Variants in PLA2G4E observed in about 807,000 individuals in gnomAD.
PLA2G4E encodes the protein phospholipase A2 group IVE, also known as cytosolic phospholipase A2 epsilon.
Under a neutral mutation model 109.1 loss-of-function variants are expected in PLA2G4E, and 84 were observed. The ratio of observed to expected loss-of-function variants is 0.77; its 90% CI spans 0.65 to 0.92. The LOEUF (loss-of-function observed/expected upper bound fraction) is 0.92, where lower values mean the gene tolerates loss of function less well. Among genes scored for constraint, PLA2G4E ranks in the 40% least tolerant of loss-of-function variants. The probability of loss-of-function intolerance (pLI) is 0.00; values close to 1 mark genes in which losing one functional copy is unlikely to be tolerated. For missense variants in PLA2G4E, 1,057 were observed against 1,076.6 expected (o/e 0.98, Z 0.25); for synonymous variants, 469 against 436.1 (o/e 1.08, Z -0.94).
intron 1 of PLA2G4E, among the ~76,000 whole-genome samples, chr15:42,040,989 C>T (rs1264947327): frequency 1.3e-5 from 2 of 152,146 alleles, no homozygotes; most frequent in African/African-American, 2.4e-5. Flanking sequence ...AGAGATGCCA[C>T]GTTTCATTTA....
intron 1 of PLA2G4E, among the ~76,000 whole-genome samples, chr15:42,044,324 T>G (rs1426618730): frequency 6.6e-6 from 1 of 151,998 alleles, no homozygotes; most frequent in Non-Finnish European, 1.5e-5. Flanking sequence ...GTTAGCTACA[T>G]GCGGGCTGTG....
chr15:41,992,817 G>T (rs368463147), exon 13 of PLA2G4E: 1 of 1,613,870 alleles, frequency 6.2e-7, no homozygotes, highest in South Asian at 1.1e-5. Context: ...CTGCGCTGCC[G>T]GAGCTCCTCC....
chr15:42,022,977 A>G (rs2068660926), intron 1 of PLA2G4E, among the ~76,000 whole-genome samples: 1 of 152,144 alleles, frequency 6.6e-6, no homozygotes, highest in African/African-American at 2.4e-5. Flanking sequence ...TGGGATTTCA[A>G]CAGCTAGTGA....
chr15:42,006,221 G>T, intron 3 of PLA2G4E, 100 bp from the exon 4 acceptor site: 2 of 1,473,598 alleles, frequency 1.4e-6, no homozygotes, highest in African/African-American at 1.4e-5. Flanking sequence ...AGGTAGGTCT[G>T]GGGGATGGGA....
intron 1 of PLA2G4E, among the ~76,000 whole-genome samples, chr15:42,044,152 G>T (rs949307456): frequency 1.3e-5 from 2 of 152,172 alleles, no homozygotes; most frequent in Non-Finnish European, 2.9e-5. Flanking sequence ...TAGTGAAGTA[G>T]CTTTGAAAGA....
At chr15:42,031,474 C>G (rs1412033766) in intron 1 of PLA2G4E, among the ~76,000 whole-genome samples, 1 of 152,188 alleles carries the variant, frequency 6.6e-6, no homozygotes, top group Non-Finnish European at 1.5e-5. Flanking sequence ...AGCCTCCTCT[C>G]TTTGGCACTT....
intron 1 of PLA2G4E, among the ~76,000 whole-genome samples, chr15:42,025,623 C>T (rs761083681): frequency 2.0e-5 from 3 of 152,144 alleles, no homozygotes; most frequent in Non-Finnish European, 2.9e-5. Context: ...TTCCAAGAGA[C>T]GTTCCCCCTA....
At chr15:41,989,424 A>G in exon 15 of PLA2G4E, 2 of 1,613,994 alleles carry the variant, frequency 1.2e-6, no homozygotes, top group South Asian at 2.2e-5. Flanking sequence ...CCTAGCATGT[A>G]GCAGATTCGA....
chr15:42,022,360 G>A (rs981236669), intron 1 of PLA2G4E, among the ~76,000 whole-genome samples: 5 of 152,110 alleles, frequency 3.3e-5, no homozygotes, highest in Non-Finnish European at 7.4e-5. Context: ...ATTTTTCCGC[G>A]GGTGGGCGGG....
intron 4 of PLA2G4E, 77 bp from the exon 5 acceptor site, chr15:42,005,055 G>C: frequency 6.4e-7 from 1 of 1,560,930 alleles, no homozygotes. Flanking sequence ...TGCCACCCTG[G>C]GAGCCGCTGT....
At chr15:42,037,726 A>G (rs7165532) in intron 1 of PLA2G4E, among the ~76,000 whole-genome samples, 44,425 of 152,144 alleles carry the variant, frequency 0.29, 6,945 homozygotes, top group Admixed American at 0.36. Context: ...ATGGAGCCAC[A>G]TCTGTGACTC....
At chr15:42,040,153 T>C (rs1372203392) in intron 1 of PLA2G4E, among the ~76,000 whole-genome samples, 2 of 151,996 alleles carry the variant, frequency 1.3e-5, no homozygotes, top group South Asian at 2.1e-4. Flanking sequence ...TTGGGTAACA[T>C]AGTGAGACCC....
rs553413630 is a variant in PLA2G4E at position 42,045,687 on chromosome 15, C to T, written c.183+4834G>A. ...TACTCTGATGGCTCTTCATCCTTGC[C>T]GGGCATCTGAAAGGTGGAAAACGGG... On this transcript the variant is annotated intron_variant, in intron 1 of 19. Coordinates refer to ENST00000399518, the Ensembl canonical transcript of PLA2G4E. Among the ~76,000 whole-genome samples, 5 of 152,298 alleles carry T rather than the reference C, an allele frequency of 3.3e-5. No homozygotes were observed. In the South Asian group the frequency reaches 6.2e-4, roughly 19 times the overall value.
intron 2 of PLA2G4E, among the ~76,000 whole-genome samples, chr15:42,008,110 T>C (rs1292288122): frequency 6.6e-6 from 1 of 152,210 alleles, no homozygotes; most frequent in Non-Finnish European, 1.5e-5. Context: ...CCTCCGGCTC[T>C]TATTAGAAGC....
Position 41,999,677 on chromosome 15 carries a change from C to T in PLA2G4E, c.937-116G>A. On this transcript the variant is annotated intron_variant, in intron 9 of 19. Transcript: ENST00000399518. The stretch of plus-strand genomic sequence containing the variant: ...CACACACGTGCACACACAGGCGCTC[C>T]ATCCCTGCCTCTCTCTTCTGGACAC... 3 of 1,301,314 alleles carry T rather than the reference C, an allele frequency of 2.3e-6. No individual in the cohort carries two copies. The East Asian group carries it at 7.6e-5, about 33-fold the overall frequency. 80.6% of individuals were successfully genotyped at this position (1,301,314 alleles called of 1,614,324 possible). A position where few individuals can be genotyped will look rare whatever the true frequency, so the allele number is the denominator to read the frequency against.
intron 1 of PLA2G4E, among the ~76,000 whole-genome samples, chr15:42,025,090 G>A (rs191735525): frequency 0.012 from 1,752 of 152,002 alleles, 29 homozygotes; most frequent in African/African-American, 0.041. Context: ...CAGCTACTCA[G>A]GAGGCTGAGG....
chr15:42,040,705 T>C (rs1712427), intron 1 of PLA2G4E, among the ~76,000 whole-genome samples: 16,346 of 152,242 alleles, frequency 0.11, 1,004 homozygotes, highest in South Asian at 0.2. Flanking sequence ...ACAAAAGATA[T>C]AAACAGGCAA....
chr15:41,997,687 C>A (rs1006635100), intron 10 of PLA2G4E: 1 of 153,772 alleles, frequency 6.5e-6, no homozygotes, highest in African/African-American at 2.4e-5. Flanking sequence ...CAAGGCCCCA[C>A]GGTATGGACT....
exon 19 of PLA2G4E, chr15:41,984,507 T>C: frequency 1.2e-6 from 2 of 1,613,986 alleles, no homozygotes; most frequent in Non-Finnish European, 1.7e-6. Context: ...ATCGGGTTCC[T>C]GGGGGTTCTC....
Sources: gnomAD v4.1 joint callset for allele counts (sites outside exome capture counted in the v4.1 genomes callset) on GRCh38, gnomAD v4.1.1 for gene constraint, MANE v1.5 for transcripts, NCBI Gene and HGNC (gene_info 2026-07-23, HGNC 2026-07-21) for gene names.